The following ZNF780A variants were observed in gnomAD, a reference collection of about 807,000 sequenced individuals.
ZNF780A encodes the protein zinc finger protein 780A.
ZNF780A carries 40 observed loss-of-function variants against 56.7 expected under a neutral mutation model. The ratio of observed to expected loss-of-function variants is 0.71; its 90% confidence interval spans 0.55 to 0.92. The LOEUF is 0.92. ZNF780A is among the 40% of genes least tolerant of loss of function. The pLI is 0.00. For missense variants in ZNF780A, 672 were observed against 783.3 expected, an observed-to-expected ratio of 0.86 and a Z score of 1.70; for synonymous variants, 231 against 248.3, an observed-to-expected ratio of 0.93 and a Z score of 0.66.
chr19:40,069,458 T>TA (rs1973746271), downstream of ZNF780A: 1 of 152,174 alleles, frequency 6.6e-6, no homozygotes, highest in African/African-American at 2.4e-5. Flanking sequence ...CACCTTCCAT[T>TA]AGGCCCCACC....
chr19:40,074,321 C>G lies in ZNF780A; in HGVS notation c.*195G>C. On this transcript the variant is annotated 3_prime_UTR_variant, in exon 6 of 6. Transcript: ENST00000683561. The stretch of plus-strand genomic sequence containing the variant: ...AATGTTAAATAAGTGGTAATGATAT[C>G]TAAAGGTCGTCCTCCACTCCTTGCA... 6.6e-7 allele frequency: 1 copy of G among 1,512,332 alleles called. No homozygotes were observed. Among genetic ancestry groups the G allele is most frequent in the Non-Finnish European group, 8.8e-7 (1 of 1,134,268 alleles). 93.7% of individuals were successfully genotyped at this position (1,512,332 alleles called of 1,614,324 possible). A position where few individuals can be genotyped will look rare whatever the true frequency, so the allele number is the denominator to read the frequency against.
At chr19:40,089,507 A>G (rs1975015109) in intron 2 of ZNF780A, 1 of 329,764 alleles carries the variant, frequency 3.0e-6, no homozygotes, top group Non-Finnish European at 5.6e-6. Context: ...GCACTGCTCT[A>G]AGGGGCTTTA....
rs551608531 is a variant in ZNF780A at position 40,073,046 on chromosome 19, A to G, written c.*1470T>C. The G allele has an allele frequency of 8.2e-6, 12 of 1,466,552 alleles. No individual in the cohort carries two copies. The highest frequency in any genetic ancestry group is 9.9e-6 in the Non-Finnish European group (11 of 1,111,344). The allele number at this position is 1,466,552 out of a possible 1,614,324, so 90.8% of individuals were successfully genotyped here. On this transcript the variant is annotated 3_prime_UTR_variant, in exon 6 of 6. Coordinates refer to ENST00000683561, the MANE Select transcript of ZNF780A (RefSeq NM_001142578.2). Reference sequence around the variant, plus strand: ...TAACGGTAATTATGGTACAATGGCTATATGATATTGTCTATATTGTCTTCA... The same window carrying G: ...TAACGGTAATTATGGTACAATGGCTGTATGATATTGTCTATATTGTCTTCA...
chr19:40,075,663 C>T lies in ZNF780A; in HGVS notation c.779G>A (p.Arg260His), dbSNP rs143775764. ...CTGATGTTGAACAAGGTTTGAGCTA[C>T]GATTAAAGGACTTCCCACATTCCTT... ...ECKECGKSFN[R>H]SSNLVQHQSI... is the part of the protein sequence containing the mutation. Residue 260 changes from arginine to histidine, a missense_variant, in exon 6 of 6, where the codon CGT becomes CAT. By Grantham distance (29) the Arg-to-His change is conservative. Transcript: ENST00000683561. 317 of 1,613,134 alleles carry T rather than the reference C, an allele frequency of 2.0e-4. No homozygotes were observed. Among genetic ancestry groups the T allele is most frequent in the Non-Finnish European group, 2.6e-4 (301 of 1,179,826 alleles).
At chr19:40,084,830 T>C in intron 2 of ZNF780A, 32 bp from the exon 3 acceptor site, 1 of 1,547,456 alleles carries the variant, frequency 6.5e-7, no homozygotes. Context: ...AAGGCCACAA[T>C]TAAAGCTGTG....
chr19:40,088,806 T>C (rs1974962919), intron 2 of ZNF780A, among the ~76,000 whole-genome samples: 1 of 152,144 alleles, frequency 6.6e-6, no homozygotes, highest in East Asian at 1.9e-4. Context: ...GCAGGTATAT[T>C]TACACAAGGG....
chr19:40,079,151 T>G (rs1974331965), intron 5 of ZNF780A, among the ~76,000 whole-genome samples: 2 of 152,128 alleles, frequency 1.3e-5, no homozygotes, highest in African/African-American at 4.8e-5. Flanking sequence ...TAAAAGATAT[T>G]CCATGCAAAT....
chr19:40,073,013 A>AT (rs1973890142), downstream of ZNF780A: 2 of 1,524,156 alleles, frequency 1.3e-6, no homozygotes, highest in Middle Eastern at 1.8e-4. Context: ...AATTATGAAT[A>AT]CTTTCCTTAA....
At chr19:40,076,335 C>G in intron 5 of ZNF780A, 126 bp from the exon 6 acceptor site, 1 of 994,482 alleles carries the variant, frequency 1.0e-6, no homozygotes, top group Non-Finnish European at 1.4e-6. Context: ...TTAGCCAAAA[C>G]CAACAAAGTT....
rs908189106 is a variant in ZNF780A at position 40,073,445 on chromosome 19, A to G, written c.*1071T>C. ...ACCTGACGTTGGGAAAATGGACCTGATCGTCTTGCTCACCACAGGGTTGCC... is the reference window on the plus strand; with the variant it reads ...ACCTGACGTTGGGAAAATGGACCTGGTCGTCTTGCTCACCACAGGGTTGCC... On this transcript the variant is annotated 3_prime_UTR_variant, in exon 6 of 6. Coordinates refer to ENST00000683561, the MANE Select transcript of ZNF780A (RefSeq NM_001142578.2). 9 of 840,540 alleles carry G rather than the reference A, an allele frequency of 1.1e-5. No homozygotes were observed. Among genetic ancestry groups the G allele is most frequent in the Non-Finnish European group, 1.3e-5 (9 of 698,714 alleles). 52.1% of individuals were successfully genotyped at this position (840,540 alleles called of 1,614,324 possible). A position where few individuals can be genotyped will look rare whatever the true frequency, so the allele number is the denominator to read the frequency against.
chr19:40,089,281 T>C (rs1975000272), intron 2 of ZNF780A: 2 of 1,420,446 alleles, frequency 1.4e-6, no homozygotes, highest in African/African-American at 1.4e-5. Flanking sequence ...ATGTTGCACA[T>C]GATAAATACA....
At chr19:40,085,723 T>C (rs1347507398) in intron 2 of ZNF780A, among the ~76,000 whole-genome samples, 8 of 151,844 alleles carry the variant, frequency 5.3e-5, no homozygotes. Context: ...CTACTAAAAA[T>C]ACAAAAATTA....
At chr19:40,080,144 A>G (rs1974388995) in intron 5 of ZNF780A, among the ~76,000 whole-genome samples, 1 of 152,082 alleles carries the variant, frequency 6.6e-6, no homozygotes, top group Non-Finnish European at 1.5e-5. Flanking sequence ...GAGTAATGAG[A>G]TTGAATTAGT....
chr19:40,086,131 G>A (rs1974783669), intron 2 of ZNF780A, among the ~76,000 whole-genome samples: 1 of 151,686 alleles, frequency 6.6e-6, no homozygotes, highest in South Asian at 2.1e-4. Flanking sequence ...TTTGAACTTG[G>A]GGTGGGAAAT....
At position 40,074,864 on chromosome 19, in the gene ZNF780A, T is replaced by C. The variant is rs776067026; in HGVS notation, c.1578A>G (p.Glu526=). The change falls in exon 6 of 6, where the codon GAA becomes GAG. Residue 526 remains glutamate (E), a synonymous_variant. Coordinates refer to ENST00000683561, the MANE Select transcript of ZNF780A (RefSeq NM_001142578.2). ...CACATTCCTTACATTCAAATGGTTT[T>C]TCACCTGTGTGAGTTTTCTGATGTT... ...LSQHQKTHTG[E]KPFECKECGK... 1 of 1,614,052 alleles carries C rather than the reference T, an allele frequency of 6.2e-7. No individual in the cohort carries two copies. The highest frequency in any genetic ancestry group is 8.5e-7 in the Non-Finnish European group (1 of 1,180,000).
rs1429935302 is a variant in ZNF780A at position 40,075,689 on chromosome 19, A to C, written c.753T>G (p.Cys251Trp). 1 of 1,614,166 alleles carries C rather than the reference A, an allele frequency of 6.2e-7. No individual in the cohort carries two copies. The highest frequency in any genetic ancestry group is 1.1e-5 in the South Asian group (1 of 91,080). ...NIHTGEKLFECKECGKSFNRS... is the reference protein window; with the variant it reads ...NIHTGEKLFEWKECGKSFNRS... Reference sequence around the variant, plus strand: ...GATTAAAGGACTTCCCACATTCCTTACATTCAAACAGTTTCTCACCTGTGT... The same window carrying C: ...GATTAAAGGACTTCCCACATTCCTTCCATTCAAACAGTTTCTCACCTGTGT... The change falls in exon 6 of 6, where the codon TGT (cysteine) becomes TGG (tryptophan). Residue 251 changes from cysteine to tryptophan, a missense_variant. Cys to Trp is a radical substitution (Grantham distance 215). Transcript: ENST00000683561.
At chr19:40,077,209 C>A (rs903296818) in intron 5 of ZNF780A, among the ~76,000 whole-genome samples, 3 of 152,104 alleles carry the variant, frequency 2.0e-5, no homozygotes, top group Non-Finnish European at 4.4e-5. Context: ...ACCTTGTGTC[C>A]TCGTGCTAGG....
In ZNF780A at chr19:40,073,639, T is replaced by C; in HGVS notation, c.*877A>G. 5.1e-6 allele frequency: 5 copies of C among 986,076 alleles called. No individual in the cohort carries two copies. The highest frequency in any genetic ancestry group is 6.0e-6 in the Non-Finnish European group (5 of 830,460). The allele number at this position is 986,076 out of a possible 1,614,324, so 61.1% of individuals were successfully genotyped here. A position where few individuals can be genotyped will look rare whatever the true frequency, so the allele number is the denominator to read the frequency against. ...GAATTATCTTCTCCGAACTCTAAGG[T>C]ATTTAGTGTGGCTATAAAACGCCCC... On this transcript the variant is annotated 3_prime_UTR_variant, in exon 6 of 6. Coordinates refer to ENST00000683561, the MANE Select transcript of ZNF780A (RefSeq NM_001142578.2).
chr19:40,070,771 C>G (rs866762365), downstream of ZNF780A: 4 of 152,190 alleles, frequency 2.6e-5, 1 homozygote, highest in South Asian at 8.3e-4. Context: ...ACTTAGAAAT[C>G]CCAAGATTGC....
Sources: allele counts gnomAD v4.1 joint callset (sites outside exome capture counted in the v4.1 genomes callset), GRCh38; gene constraint gnomAD v4.1.1; transcripts MANE v1.5; gene names NCBI Gene and HGNC (gene_info 2026-07-23, HGNC 2026-07-21).